ZRANB3: variants seen among roughly 807,000 people sequenced by gnomAD.
ZRANB3 encodes the protein DNA annealing helicase and endonuclease ZRANB3.
Under a neutral mutation model 133.8 loss-of-function variants are expected in ZRANB3, and 125 were observed. The ratio of observed to expected loss-of-function variants is 0.93; its 90% CI spans 0.81 to 1.08. The LOEUF is 1.08. ZRANB3 is among the 50% of genes least tolerant of loss of function. ZRANB3 has a pLI of 0.00. For synonymous variants in ZRANB3, 387 were observed against 432.7 expected (o/e 0.89, Z 1.31); for missense variants, 1,229 against 1,275.5 (o/e 0.96, Z 0.56).
chr2:135,523,031 C>T (rs943144626), intron 1 of ZRANB3, among the ~76,000 whole-genome samples: 5 of 152,124 alleles, frequency 3.3e-5, no homozygotes, highest in African/African-American at 1.2e-4. Context: ...AATTACCTAC[C>T]TGACATTTTG....
Position 135,200,550 on chromosome 2 carries a change from A to G in ZRANB3, c.3142-110T>C, listed in dbSNP as rs1558823292. On this transcript the variant is annotated intron_variant, in intron 20 of 20. Coordinates refer to ENST00000264159, the MANE Select transcript of ZRANB3 (RefSeq NM_032143.4). ...TGGAAAATCTACAGTCACTACACCC[A>G]TTTTCCAGTGGTTGGCTATGGAAGA... The G allele has an allele frequency of 6.9e-6, 6 of 864,490 alleles. No homozygotes were observed. The East Asian group carries it at 1.1e-4, about 15-fold the overall frequency. The allele number at this position is 864,490 out of a possible 1,614,324, so 53.6% of individuals were successfully genotyped here.
intron 2 of ZRANB3, among the ~76,000 whole-genome samples, chr2:135,397,254 GCAA>G (rs1687534099): frequency 1.3e-5 from 2 of 151,874 alleles, no homozygotes; most frequent in Non-Finnish European, 2.9e-5. Context: ...ACCAACGTGG[GCAA>G]CATAGCGAGA....
At chr2:135,398,136 G>A (rs1469385667) in intron 2 of ZRANB3, among the ~76,000 whole-genome samples, 3 of 151,898 alleles carry the variant, frequency 2.0e-5, no homozygotes, top group East Asian at 1.9e-4. Context: ...CGCCATCTCC[G>A]CTCACTGCAA....
chr2:135,512,969 C>G (rs1693534257), intron 1 of ZRANB3, among the ~76,000 whole-genome samples: 1 of 152,028 alleles, frequency 6.6e-6, no homozygotes, highest in Admixed American at 6.6e-5. Context: ...CAAATCTGAC[C>G]CATTTGGTGC....
At chr2:135,375,110 G>GTA (rs1210118696) in intron 3 of ZRANB3, among the ~76,000 whole-genome samples, 1 of 152,166 alleles carries the variant, frequency 6.6e-6, no homozygotes, top group African/African-American at 2.4e-5. Context: ...ATGGAAAATG[G>GTA]TATAGCTAAT....
At chr2:135,429,998 C>G (rs1689249755) in intron 2 of ZRANB3, among the ~76,000 whole-genome samples, 3 of 151,920 alleles carry the variant, frequency 2.0e-5, no homozygotes, top group Admixed American at 2.0e-4. Context: ...TGGTGAAAAC[C>G]TGTCTCTACA....
chr2:135,516,085 T>C (rs1448588689), intron 1 of ZRANB3, among the ~76,000 whole-genome samples: 1 of 152,174 alleles, frequency 6.6e-6, no homozygotes, highest in East Asian at 1.9e-4. Context: ...TACCAGACAC[T>C]AGGATTGCAA....
At chr2:135,401,372 G>A (rs554437743) in intron 2 of ZRANB3, among the ~76,000 whole-genome samples, 2 of 152,274 alleles carry the variant, frequency 1.3e-5, no homozygotes, top group South Asian at 4.1e-4. Context: ...GATGAAGATG[G>A]CTATAGTGCT....
chr2:135,512,019 A>C, intron 1 of ZRANB3: 1 of 626,950 alleles, frequency 1.6e-6, no homozygotes, highest in Non-Finnish European at 2.9e-6. Context: ...AGAGGAACTA[A>C]CTCTGCTACA....
At chr2:135,402,649 C>T (rs1021603529) in intron 2 of ZRANB3, among the ~76,000 whole-genome samples, 7 of 151,464 alleles carry the variant, frequency 4.6e-5, no homozygotes, top group Non-Finnish European at 1.0e-4. Context: ...TGCAATGGTG[C>T]GATCTTAGCT....
chr2:135,318,469 AG>A (rs1245615498), intron 6 of ZRANB3, among the ~76,000 whole-genome samples: 1 of 152,162 alleles, frequency 6.6e-6, no homozygotes, highest in African/African-American at 2.4e-5. Flanking sequence ...TCTTTATGTA[AG>A]GGGTAAGATG....
intron 19 of ZRANB3, among the ~76,000 whole-genome samples, chr2:135,206,578 A>G (rs981761350): frequency 6.6e-6 from 1 of 151,926 alleles, no homozygotes; most frequent in African/African-American, 2.4e-5. Context: ...CCAAACATAG[A>G]CTTAGTATAA....
At chr2:135,377,650 A>G (rs1181795999) in intron 3 of ZRANB3, among the ~76,000 whole-genome samples, 3 of 152,260 alleles carry the variant, frequency 2.0e-5, no homozygotes, top group Non-Finnish European at 2.9e-5. Context: ...CTCAAAGTAT[A>G]CAATTAATAT....
intron 2 of ZRANB3, among the ~76,000 whole-genome samples, chr2:135,480,052 G>T (rs1168123191): frequency 6.6e-6 from 1 of 151,530 alleles, no homozygotes; most frequent in Non-Finnish European, 1.5e-5. Context: ...TCCTGGCTCA[G>T]CCTCCAAGGT....
chr2:135,201,584 G>A (rs1182194597), intron 20 of ZRANB3, among the ~76,000 whole-genome samples: 1 of 151,266 alleles, frequency 6.6e-6, no homozygotes, highest in Non-Finnish European at 1.5e-5. Flanking sequence ...AACCCGGGAG[G>A]CAGAGGTTGC....
At chr2:135,462,307 G>C (rs895710452) in intron 2 of ZRANB3, among the ~76,000 whole-genome samples, 2 of 152,102 alleles carry the variant, frequency 1.3e-5, no homozygotes, top group African/African-American at 4.8e-5. Context: ...TGAAACCCTA[G>C]GGGTCACTTT....
intron 1 of ZRANB3, among the ~76,000 whole-genome samples, chr2:135,513,301 T>A (rs1693551349): frequency 6.6e-6 from 1 of 152,180 alleles, no homozygotes; most frequent in South Asian, 2.1e-4. Context: ...TACTTCCTGG[T>A]TGTAAAATTT....
At chr2:135,374,760 C>A (rs1686344205) in intron 3 of ZRANB3, among the ~76,000 whole-genome samples, 1 of 151,988 alleles carries the variant, frequency 6.6e-6, no homozygotes. Flanking sequence ...CCTTGGCCTC[C>A]CAAAGTGCTG....
At chr2:135,420,113 ATATATATAT>A (rs1688774749) in intron 2 of ZRANB3, among the ~76,000 whole-genome samples, 2 of 142,534 alleles carry the variant, frequency 1.4e-5, no homozygotes, top group African/African-American at 2.5e-5. Flanking sequence ...ATATATATAT[ATATATATAT>A]ATAACTTATA....
Sources: gnomAD v4.1 joint callset for allele counts (sites outside exome capture counted in the v4.1 genomes callset) on GRCh38, gnomAD v4.1.1 for gene constraint, MANE v1.5 for transcripts, NCBI Gene and HGNC (gene_info 2026-07-23, HGNC 2026-07-21) for gene names.